ABCC4: variants seen among roughly 807,000 people sequenced by gnomAD.
The protein encoded by ABCC4 is ATP binding cassette subfamily C member 4 (PEL blood group).
ABCC4 carries 102 observed loss-of-function variants against 168.5 expected under a neutral mutation model. The ratio of observed to expected loss-of-function variants is 0.61; its 90% CI spans 0.52 to 0.71. The LOEUF is 0.71. Ranked by LOEUF, ABCC4 falls within the 30% of genes least tolerant of loss-of-function variation. The pLI is 0.00. For missense variants in ABCC4, 1,402 were observed against 1,605.8 expected (o/e 0.87, Z 2.17); for synonymous variants, 617 against 590.7 (o/e 1.04, Z -0.65).
chr13:95,064,260 G>GTGTA (rs1269029410), intron 25 of ABCC4, among the ~76,000 whole-genome samples: 46 of 21,462 alleles, frequency 2.1e-3, no homozygotes, highest in East Asian at 7.0e-3. Flanking sequence ...GTGTGTGTGT[G>GTGTA]TATATATATA....
At chr13:95,099,439 G>A (rs974966334) in intron 20 of ABCC4, among the ~76,000 whole-genome samples, 1 of 152,090 alleles carries the variant, frequency 6.6e-6, no homozygotes, top group Non-Finnish European at 1.5e-5. Context: ...TACACAATTA[G>A]TAAAATTCAA....
Position 95,166,192 on chromosome 13 carries a change from G to A in ABCC4, c.2000C>T (p.Pro667Leu), listed in dbSNP as rs11568697. Reference protein sequence around the residue: ...SSVWSQQSSRPSLKDGALESQ... With the variant: ...SSVWSQQSSRLSLKDGALESQ... ...CTCCAGAGCACCATCTTTCAAGGAG[G>A]GTCTAGAAGATTGTTGAGACCAAAC... The change falls in exon 15 of 31, where the codon CCC (proline) becomes CTC (leucine). Residue 667 changes from proline (P) to leucine (L), a missense_variant. By Grantham distance (98) the Pro-to-Leu change is moderately conservative. Coordinates refer to ENST00000645237, the MANE Select transcript of ABCC4 (RefSeq NM_005845.5). 47 of 1,613,948 alleles carry A rather than the reference G, an allele frequency of 2.9e-5. No homozygotes were observed. Among genetic ancestry groups the A allele is most frequent in the Non-Finnish European group, 3.8e-5 (45 of 1,180,004 alleles).
At chr13:95,224,924 A>G (rs2039412001) in intron 4 of ABCC4, among the ~76,000 whole-genome samples, 1 of 152,172 alleles carries the variant, frequency 6.6e-6, no homozygotes, top group Admixed American at 6.6e-5. Flanking sequence ...ATTAAAGCAT[A>G]AATATTGTAT....
chr13:95,026,163 C>T (rs115358247), intron 30 of ABCC4, among the ~76,000 whole-genome samples: 1,762 of 152,182 alleles, frequency 0.012, 36 homozygotes, highest in African/African-American at 0.04. Context: ...TTGCTTGAAC[C>T]GGGAGTTGGA....
At chr13:95,220,328 G>T (rs568043519) in intron 4 of ABCC4, among the ~76,000 whole-genome samples, 1 of 152,272 alleles carries the variant, frequency 6.6e-6, no homozygotes, top group South Asian at 2.1e-4. Context: ...CTAAGAATCA[G>T]TCAAAATGAA....
At chr13:95,203,828 C>G (rs141412284) in intron 8 of ABCC4, among the ~76,000 whole-genome samples, 6 of 152,284 alleles carry the variant, frequency 3.9e-5, no homozygotes, top group South Asian at 2.1e-4. Flanking sequence ...CTCACACCCC[C>G]CTTGAACAAG....
At chr13:95,220,481 TC>T (rs2039283604) in intron 4 of ABCC4, among the ~76,000 whole-genome samples, 1 of 152,144 alleles carries the variant, frequency 6.6e-6, no homozygotes. Context: ...CATCATTCAT[TC>T]CCATTTCAAG....
At chr13:95,193,291 C>G (rs1046507459) in intron 9 of ABCC4, among the ~76,000 whole-genome samples, 1 of 152,208 alleles carries the variant, frequency 6.6e-6, no homozygotes, top group Admixed American at 6.5e-5. Flanking sequence ...CAAAGAGCAC[C>G]CGGAGAGGGG....
chr13:95,283,078 C>T (rs1014247267), intron 1 of ABCC4, among the ~76,000 whole-genome samples: 33 of 151,326 alleles, frequency 2.2e-4, no homozygotes, highest in East Asian at 8.1e-4. Flanking sequence ...TAGCCTGGCG[C>T]GGTGGCACGC....
intron 26 of ABCC4, among the ~76,000 whole-genome samples, chr13:95,059,713 A>T (rs2033213990): frequency 6.6e-6 from 1 of 152,178 alleles, no homozygotes; most frequent in Admixed American, 6.5e-5. Flanking sequence ...TTCACCAAGG[A>T]TCACAAAAAT....
chr13:95,216,608 CAAAAAAA>C lies in ABCC4; in HGVS notation c.532-5834_532-5828del, dbSNP rs199711816. 1.7e-4 allele frequency among the ~76,000 whole-genome samples: 21 copies of C among 125,546 alleles called. 2 individuals carry two copies. Among genetic ancestry groups the C allele is most frequent in the South Asian group, 2.6e-4 (1 of 3,888 alleles). 82.4% of individuals were successfully genotyped at this position (125,546 alleles called of 152,430 possible). ...GCAAAGAATGTGTGCAGGAAATTCA[CAAAAAAA>C]AAAAAAAAAAAAAAAAACCAGCACA... On this transcript the variant is annotated intron_variant, in intron 4 of 30. Transcript: ENST00000645237.
At chr13:95,146,559 G>A (rs755049256) in intron 19 of ABCC4, among the ~76,000 whole-genome samples, 6 of 152,086 alleles carry the variant, frequency 3.9e-5, no homozygotes, top group Non-Finnish European at 7.3e-5. Flanking sequence ...ATGATTTATG[G>A]CAATCATTTA....
chr13:95,191,739 C>T (rs2038257582), intron 9 of ABCC4, among the ~76,000 whole-genome samples: 1 of 152,234 alleles, frequency 6.6e-6, no homozygotes, highest in African/African-American at 2.4e-5. Context: ...AACCGGTCAA[C>T]CTGTCCCTTT....
intron 26 of ABCC4, among the ~76,000 whole-genome samples, chr13:95,058,567 CAAAAAAA>C (rs1165324016): frequency 8.0e-5 from 5 of 62,792 alleles, no homozygotes; most frequent in African/African-American, 2.8e-4. Context: ...GACTCCATCT[CAAAAAAA>C]AAAAAAAAAA....
At chr13:95,196,711 A>G (rs184997475) in intron 8 of ABCC4, among the ~76,000 whole-genome samples, 8 of 97,928 alleles carry the variant, frequency 8.2e-5, no homozygotes, top group Admixed American at 2.9e-4. Context: ...GAAGGAAGGA[A>G]GGAAGGAAGG....
At chr13:95,276,137 A>G (rs1566592129) in intron 1 of ABCC4, among the ~76,000 whole-genome samples, 1 of 152,208 alleles carries the variant, frequency 6.6e-6, no homozygotes, top group Non-Finnish European at 1.5e-5. Flanking sequence ...CTCAGGGCTG[A>G]GCACAATGGT....
chr13:95,087,852 A>G (rs533660943), intron 20 of ABCC4, among the ~76,000 whole-genome samples: 1 of 152,256 alleles, frequency 6.6e-6, no homozygotes, highest in South Asian at 2.1e-4. Flanking sequence ...TCTACTTTAC[A>G]TCTGTTTTTT....
chr13:95,273,164 TG>T (rs753955626), intron 1 of ABCC4, among the ~76,000 whole-genome samples: 9 of 152,248 alleles, frequency 5.9e-5, no homozygotes, highest in Non-Finnish European at 1.2e-4. Flanking sequence ...TTATCTGGAA[TG>T]TTCCCTGAAA....
intron 27 of ABCC4, among the ~76,000 whole-genome samples, chr13:95,047,749 C>T (rs1005733191): frequency 6.6e-6 from 1 of 152,170 alleles, no homozygotes. Flanking sequence ...TCCCAAAGTG[C>T]TGGGATTACA....
Sources: allele counts gnomAD v4.1 joint callset (sites outside exome capture counted in the v4.1 genomes callset), GRCh38; gene constraint gnomAD v4.1.1; transcripts MANE v1.5; gene names NCBI Gene and HGNC (gene_info 2026-07-23, HGNC 2026-07-21).